SCHIP1: variants seen among roughly 807,000 people sequenced by gnomAD.
SCHIP1 encodes the protein schwannomin-interacting protein 1.
Under a neutral mutation model 29.7 loss-of-function variants are expected in SCHIP1, and 8 were observed. The ratio of observed to expected loss-of-function variants is 0.27; its 90% CI spans 0.16 to 0.49. SCHIP1 has a LOEUF of 0.49. Among genes scored for constraint, SCHIP1 ranks in the 20% least tolerant of loss-of-function variants. The pLI, the probability that SCHIP1 is intolerant of heterozygous loss-of-function variation, is 0.99. For synonymous variants in SCHIP1, 76 were observed against 94.9 expected (o/e 0.80, Z 1.16); for missense variants, 193 against 294.6 (o/e 0.66, Z 2.52).
the SCHIP1 span, among the ~76,000 whole-genome samples, chr3:159,774,405 G>T: frequency 1.7e-4 from 26 of 152,210 alleles, no homozygotes; most frequent in African/African-American, 5.5e-4. Flanking sequence ...AGTAATTGTT[G>T]CCCTTTATAT....
the SCHIP1 span, among the ~76,000 whole-genome samples, chr3:159,428,575 G>C: frequency 1.3e-5 from 2 of 151,826 alleles, no homozygotes; most frequent in South Asian, 2.1e-4. Flanking sequence ...TGGAGAAATA[G>C]GAACACTTTT....
chr3:159,564,242 A>G, the SCHIP1 span, among the ~76,000 whole-genome samples: 4 of 152,332 alleles, frequency 2.6e-5, no homozygotes, highest in Non-Finnish European at 4.4e-5. Flanking sequence ...AGACAAGTGC[A>G]TAAGTCCTAA....
chr3:159,411,548 G>A, the SCHIP1 span, among the ~76,000 whole-genome samples: 7 of 152,070 alleles, frequency 4.6e-5, no homozygotes, highest in East Asian at 1.9e-4. Context: ...AGTATACACC[G>A]AATGATTAAA....
the SCHIP1 span, among the ~76,000 whole-genome samples, chr3:159,757,870 TTA>T: frequency 2.6e-5 from 4 of 152,206 alleles, no homozygotes; most frequent in Non-Finnish European, 4.4e-5. Flanking sequence ...GTTTCCAGAA[TTA>T]TGTCAAGACA....
At chr3:159,387,624 T>C in the SCHIP1 span, among the ~76,000 whole-genome samples, 4 of 152,238 alleles carry the variant, frequency 2.6e-5, no homozygotes, top group African/African-American at 9.6e-5. Context: ...GTCCGTATAG[T>C]AAAATATTTT....
exon 1 of SCHIP1, chr3:159,839,885 T>A (rs1235127719): frequency 2.9e-6 from 4 of 1,388,924 alleles, no homozygotes; most frequent in Non-Finnish European, 3.7e-6. Flanking sequence ...ATAATATAAT[T>A]GGCTGATTGT....
At chr3:159,276,088 G>C in the SCHIP1 span, among the ~76,000 whole-genome samples, 18 of 128,368 alleles carry the variant, frequency 1.4e-4, no homozygotes, top group African/African-American at 2.8e-5. Flanking sequence ...GGCGGGTGTG[G>C]TTTTTACTGC....
At chr3:159,420,511 C>T in the SCHIP1 span, among the ~76,000 whole-genome samples, 3 of 152,260 alleles carry the variant, frequency 2.0e-5, no homozygotes, top group South Asian at 2.1e-4. Flanking sequence ...GGATGTCCCT[C>T]CTTATTTTTA....
the SCHIP1 span, among the ~76,000 whole-genome samples, chr3:159,430,687 G>A: frequency 6.6e-6 from 1 of 152,074 alleles, no homozygotes; most frequent in Admixed American, 6.6e-5. Flanking sequence ...TGTGAGAAAT[G>A]ACTAAAGAAA....
chr3:159,340,979 G>A, the SCHIP1 span, among the ~76,000 whole-genome samples: 3 of 152,138 alleles, frequency 2.0e-5, no homozygotes, highest in Admixed American at 6.6e-5. Flanking sequence ...TTGAGGATAT[G>A]ATCAACTTCT....
chr3:159,756,384 C>T, the SCHIP1 span, among the ~76,000 whole-genome samples: 1 of 152,212 alleles, frequency 6.6e-6, no homozygotes, highest in East Asian at 1.9e-4. Flanking sequence ...TCTATGTTGG[C>T]CCTTTTCAGA....
chr3:159,379,818 G>C, the SCHIP1 span, among the ~76,000 whole-genome samples: 1 of 152,200 alleles, frequency 6.6e-6, no homozygotes, highest in Non-Finnish European at 1.5e-5. Context: ...TCAACTCTGA[G>C]AAGAAATATG....
chr3:159,788,391 A>T, the SCHIP1 span, among the ~76,000 whole-genome samples: 1 of 152,350 alleles, frequency 6.6e-6, no homozygotes, highest in East Asian at 1.9e-4. Flanking sequence ...TGGCCTGTGG[A>T]TAGAAACAAA....
the SCHIP1 span, among the ~76,000 whole-genome samples, chr3:159,748,206 A>AT: frequency 6.6e-6 from 1 of 152,208 alleles, no homozygotes; most frequent in East Asian, 1.9e-4. Context: ...TAATTGCTAG[A>AT]TGCCATTGAT....
At chr3:159,637,371 C>CCACACACACACACACACA in the SCHIP1 span, among the ~76,000 whole-genome samples, 13 of 134,574 alleles carry the variant, frequency 9.7e-5, no homozygotes, top group African/African-American at 2.7e-4. Flanking sequence ...CCGGCCCCAG[C>CCACACACACACACACACA]CACACACACA....
chr3:159,562,736 G>T, the SCHIP1 span, among the ~76,000 whole-genome samples: 36 of 152,270 alleles, frequency 2.4e-4, no homozygotes, highest in Non-Finnish European at 4.0e-4. Flanking sequence ...TCCTCTCCCA[G>T]AAGCAACCAC....
chr3:159,657,289 T>C, the SCHIP1 span, among the ~76,000 whole-genome samples: 3 of 152,210 alleles, frequency 2.0e-5, no homozygotes, highest in Admixed American at 6.5e-5. Context: ...ACCTGAAAAG[T>C]CCAAGTCAGC....
At chr3:159,591,531 A>G in the SCHIP1 span, among the ~76,000 whole-genome samples, 2 of 152,224 alleles carry the variant, frequency 1.3e-5, no homozygotes, top group African/African-American at 4.8e-5. Flanking sequence ...ATGCCCATCA[A>G]TGATAGACTG....
chr3:159,630,422 C>T, the SCHIP1 span, among the ~76,000 whole-genome samples: 2 of 151,976 alleles, frequency 1.3e-5, no homozygotes, highest in Admixed American at 1.3e-4. Context: ...GGAACCAGCC[C>T]AAATGCCCAT....
Sources: gnomAD v4.1 joint callset for allele counts (sites outside exome capture counted in the v4.1 genomes callset) on GRCh38, gnomAD v4.1.1 for gene constraint, MANE v1.5 for transcripts, NCBI Gene and HGNC (gene_info 2026-07-23, HGNC 2026-07-21) for gene names.